The following JAK2 variants were observed in gnomAD, a reference collection of about 807,000 sequenced individuals.
JAK2 encodes tyrosine-protein kinase JAK2.
In JAK2, 86 loss-of-function variants were observed where a neutral mutation model predicts 139.3. The ratio of observed to expected loss-of-function variants is 0.62; its 90% CI spans 0.52 to 0.74. The LOEUF (loss-of-function observed/expected upper bound fraction) is 0.74, where lower values mean the gene tolerates loss of function less well. JAK2 is among the 30% of genes least tolerant of loss of function. The pLI is 0.00. For missense variants in JAK2, 1,421 were observed against 1,360.3 expected, an observed-to-expected ratio of 1.04 and a Z score of -0.70; for synonymous variants, 490 against 437.7, an observed-to-expected ratio of 1.12 and a Z score of -1.49.
At chr9:5,066,639 C>T (rs1273354338) in intron 9 of JAK2, 39 bp from the exon 10 acceptor site, 2 of 1,086,860 alleles carry the variant, frequency 1.8e-6, no homozygotes, top group Non-Finnish European at 2.8e-6. Flanking sequence ...TATTATGGTG[C>T]TTGATATATT....
chr9:5,048,826 A>T (rs1817211429), intron 5 of JAK2, among the ~76,000 whole-genome samples: 1 of 152,234 alleles, frequency 6.6e-6, no homozygotes, highest in Non-Finnish European at 1.5e-5. Context: ...GAAGAGAAAT[A>T]CAGATGTAGA....
At chr9:5,119,034 C>G (rs1823415505) in intron 22 of JAK2, among the ~76,000 whole-genome samples, 1 of 152,054 alleles carries the variant, frequency 6.6e-6, no homozygotes, top group African/African-American at 2.4e-5. Flanking sequence ...TTTGAAAAAA[C>G]AGACTATTAT....
intron 20 of JAK2, 47 bp from the exon 21 acceptor site, chr9:5,090,399 G>C (rs376840898): frequency 1.4e-6 from 2 of 1,393,526 alleles, no homozygotes; most frequent in South Asian, 1.7e-5. Flanking sequence ...TATTTAATCA[G>C]TATAATATGG....
At chr9:5,090,704 TA>T (rs1820509611) in intron 21 of JAK2, 34 bp from the exon 22 acceptor site, 1 of 1,559,136 alleles carries the variant, frequency 6.4e-7, no homozygotes. Flanking sequence ...TTTATATTTA[TA>T]AAACTAGCTG....
At position 5,043,641 on chromosome 9, in the gene JAK2, C is replaced by T. The variant is rs189748767; in HGVS notation, c.351-762C>T. ...GAAAACATATCCACAAAAACTTGTA[C>T]ATGACTCTTCATACTAGCGTTATTC... On this transcript the variant is annotated intron_variant, in intron 4 of 24. Coordinates refer to ENST00000381652, the MANE Select transcript of JAK2 (RefSeq NM_004972.4). 1.5e-3 allele frequency among the ~76,000 whole-genome samples: 223 copies of T among 152,296 alleles called. 4 individuals are homozygous for T. Among genetic ancestry groups the T allele is most frequent in the Non-Finnish European group, 2.5e-3 (168 of 68,016 alleles).
intron 7 of JAK2, 125 bp from the exon 8 acceptor site, chr9:5,055,544 A>T (rs897377537): frequency 8.7e-6 from 6 of 688,310 alleles, no homozygotes; most frequent in Non-Finnish European, 9.3e-6. Flanking sequence ...TTTAATGCTT[A>T]TCTATTGTTA....
At chr9:5,074,204 A>G (rs1176855845) in intron 14 of JAK2, among the ~76,000 whole-genome samples, 1 of 152,130 alleles carries the variant, frequency 6.6e-6, no homozygotes, top group African/African-American at 2.4e-5. Context: ...ATATGATACT[A>G]GATATATTTT....
At position 5,010,530 on chromosome 9, in the gene JAK2, A is replaced by G. The variant is rs1821630138; in HGVS notation, c.-25-11433A>G. Among the ~76,000 whole-genome samples the G allele has an allele frequency of 2.0e-5, 3 of 152,260 alleles. 1 individual carries two copies. The South Asian group carries it at 6.2e-4, about 32-fold the overall frequency. ...CAGACAGGGTTTCACCATGTTGGCC[A>G]GGTTGGTCTCGAACTCCTGACCTCA... On this transcript the variant is annotated intron_variant, in intron 2 of 24. Coordinates refer to ENST00000381652, the MANE Select transcript of JAK2 (RefSeq NM_004972.4).
chr9:5,028,580 T>C (rs986736318), intron 3 of JAK2, among the ~76,000 whole-genome samples: 1 of 152,250 alleles, frequency 6.6e-6, no homozygotes, highest in Non-Finnish European at 1.5e-5. Flanking sequence ...AAACTACTCC[T>C]AGATGGTATC....
intron 2 of JAK2, among the ~76,000 whole-genome samples, chr9:4,987,734 TAAAAAA>T (rs60356569): frequency 7.9e-6 from 1 of 126,660 alleles, no homozygotes; most frequent in Non-Finnish European, 1.6e-5. Context: ...AGACTCTGTC[TAAAAAA>T]AAAAAAAAAA....
chr9:5,040,273 A>G (rs952381136), intron 4 of JAK2, among the ~76,000 whole-genome samples: 3 of 151,338 alleles, frequency 2.0e-5, no homozygotes, highest in Admixed American at 6.6e-5. Flanking sequence ...AAGTAAGACA[A>G]TCTACTTCAC....
chr9:5,092,349 T>C (rs1441355820), intron 22 of JAK2, among the ~76,000 whole-genome samples: 1 of 152,094 alleles, frequency 6.6e-6, no homozygotes. Flanking sequence ...TCTCTATACA[T>C]GAATAGAGGA....
intron 4 of JAK2, chr9:5,041,519 G>A (rs1189988001): frequency 9.0e-6 from 5 of 553,482 alleles, no homozygotes; most frequent in Non-Finnish European, 1.4e-5. Flanking sequence ...AGCGCGCCAC[G>A]CCCATCGAAG....
chr9:4,986,597 T>C (rs1819961926), intron 2 of JAK2, among the ~76,000 whole-genome samples: 1 of 152,214 alleles, frequency 6.6e-6, no homozygotes, highest in Admixed American at 6.5e-5. Context: ...TTTGGTTTCA[T>C]AATAAGTTTG....
chr9:5,021,209 C>T (rs1398976092), intron 2 of JAK2, among the ~76,000 whole-genome samples: 2 of 152,172 alleles, frequency 1.3e-5, no homozygotes, highest in South Asian at 4.1e-4. Flanking sequence ...TTTTCTATCA[C>T]TTCTCTGTTG....
chr9:5,126,061 A>C (rs1823974036), intron 23 of JAK2: 1 of 257,834 alleles, frequency 3.9e-6, no homozygotes, highest in African/African-American at 2.2e-5. Context: ...ACAACAAAAA[A>C]CTCAAAGGAA....
intron 12 of JAK2, among the ~76,000 whole-genome samples, chr9:5,071,000 C>G (rs762198926): frequency 5.5e-4 from 84 of 152,242 alleles, no homozygotes; most frequent in East Asian, 9.6e-4. Flanking sequence ...AATTCACCCA[C>G]TAGCAAGCAG....
intron 4 of JAK2, among the ~76,000 whole-genome samples, chr9:5,033,555 T>G (rs1257562169): frequency 6.6e-6 from 1 of 152,178 alleles, no homozygotes; most frequent in South Asian, 2.1e-4. Flanking sequence ...GCAGAAACTC[T>G]ACAAGCCAGA....
intron 4 of JAK2, among the ~76,000 whole-genome samples, chr9:5,035,309 G>A (rs920799654): frequency 5.9e-5 from 9 of 152,242 alleles, no homozygotes; most frequent in African/African-American, 7.2e-5. Context: ...GAGGTGCAAA[G>A]AGGAGCTGGT....
Sources: allele counts gnomAD v4.1 joint callset (sites outside exome capture counted in the v4.1 genomes callset), GRCh38; gene constraint gnomAD v4.1.1; transcripts MANE v1.5; gene names NCBI Gene and HGNC (gene_info 2026-07-23, HGNC 2026-07-21).